Variants in JADE3 observed in about 807,000 individuals in gnomAD.
The protein encoded by JADE3 is jade family PHD finger 3, also known as protein Jade-3.
In JADE3, 2 loss-of-function variants were observed where a neutral mutation model predicts 50.1. The observed-to-expected ratio is 0.04, with a 90% CI of 0.02 to 0.13. The LOEUF (loss-of-function observed/expected upper bound fraction) is 0.13. Among genes scored for constraint, JADE3 ranks in the 10% least tolerant of loss-of-function variants. The probability of loss-of-function intolerance (pLI) is 1.00; values close to 1 mark genes in which losing one functional copy is unlikely to be tolerated. For synonymous variants in JADE3, 218 were observed against 232.9 expected, an observed-to-expected ratio of 0.94 and a Z score of 0.58; for missense variants, 475 against 634.4, an observed-to-expected ratio of 0.75 and a Z score of 2.70.
At chrX:46,993,491 A>C (rs1928060111) in intron 3 of JADE3, among the ~76,000 whole-genome samples, 2 of 111,749 alleles carry the variant, frequency 1.8e-5, no homozygotes, top group South Asian at 3.7e-4. Context: ...AATTGCTCAG[A>C]TCTCTAAATC....
intron 1 of JADE3, among the ~76,000 whole-genome samples, chrX:46,938,764 A>C (rs1407447052): frequency 1.8e-5 from 2 of 111,998 alleles, no homozygotes; most frequent in African/African-American, 3.2e-5. Flanking sequence ...CTGAGTATAG[A>C]ATTCTGTGTT....
intron 1 of JADE3, among the ~76,000 whole-genome samples, chrX:46,950,661 A>C (rs1556344722): frequency 8.9e-6 from 1 of 111,944 alleles, no homozygotes; most frequent in Admixed American, 9.5e-5. Context: ...TTTTAGGAGT[A>C]GAATTGCTGG....
chrX:47,049,755 C>CTTT (rs536912145), intron 8 of JADE3, among the ~76,000 whole-genome samples: 352 of 55,725 alleles, frequency 6.3e-3, no homozygotes, highest in African/African-American at 7.0e-3. Context: ...TCTTCTTCTT[C>CTTT]TTTTTTTTTT....
intron 8 of JADE3, 111 bp downstream of exon 8, chrX:47,039,176 A>G (rs782007722): frequency 2.3e-6 from 1 of 442,097 alleles, no homozygotes; most frequent in African/African-American, 2.5e-5. Context: ...TCGCCCACCC[A>G]CTCTTAGGGC....
intron 1 of JADE3, among the ~76,000 whole-genome samples, chrX:46,920,316 CAT>C (rs1159139991): frequency 8.9e-6 from 1 of 112,532 alleles, no homozygotes; most frequent in Non-Finnish European, 1.9e-5. Flanking sequence ...CAGAATATCA[CAT>C]GAGTGGAATC....
chrX:46,926,655 C>T (rs1295415720), intron 1 of JADE3, among the ~76,000 whole-genome samples: 1 of 112,524 alleles, frequency 8.9e-6, no homozygotes, highest in Non-Finnish European at 1.9e-5. Context: ...TTTGTGCTGA[C>T]TCTTTAGTCA....
intron 8 of JADE3, among the ~76,000 whole-genome samples, chrX:47,045,750 C>G (rs1461247989): frequency 1.8e-5 from 2 of 110,633 alleles, no homozygotes; most frequent in African/African-American, 6.6e-5. Flanking sequence ...ATTTTGGAAA[C>G]TATACAAACA....
At chrX:46,988,278 C>T (rs1418294706) in intron 3 of JADE3, among the ~76,000 whole-genome samples, 5 of 110,839 alleles carry the variant, frequency 4.5e-5, no homozygotes, top group Admixed American at 9.7e-5. Flanking sequence ...AAGTAATATA[C>T]TCTTGTTCTA....
chrX:47,039,344 C>A (rs781841086), intron 8 of JADE3, among the ~76,000 whole-genome samples: 2 of 110,137 alleles, frequency 1.8e-5, no homozygotes, highest in Non-Finnish European at 3.8e-5. Context: ...TTGATACCAT[C>A]CTGGGTGGAA....
At chrX:47,046,136 CACTG>C (rs1556370616) in intron 8 of JADE3, among the ~76,000 whole-genome samples, 1 of 110,135 alleles carries the variant, frequency 9.1e-6, no homozygotes, top group Non-Finnish European at 1.9e-5. Context: ...TAGCCCAACT[CACTG>C]AGAAAAAAAA....
intron 8 of JADE3, among the ~76,000 whole-genome samples, chrX:47,043,105 G>A (rs900458080): frequency 8.0e-5 from 9 of 111,986 alleles, no homozygotes; most frequent in Admixed American, 9.5e-5. Context: ...TAACACCAAC[G>A]TAGTATATCT....
intron 1 of JADE3, among the ~76,000 whole-genome samples, chrX:46,947,768 G>A (rs1926915861): frequency 9.0e-6 from 1 of 111,425 alleles, no homozygotes; most frequent in Admixed American, 9.6e-5. Flanking sequence ...AGCATGAGAG[G>A]TACCGTGCCG....
intron 1 of JADE3, among the ~76,000 whole-genome samples, chrX:46,984,161 T>G (rs782049734): frequency 5.4e-4 from 61 of 112,357 alleles, no homozygotes; most frequent in Non-Finnish European, 1.0e-3. Context: ...TCCTTTTTTC[T>G]TACACTCCAG....
chrX:46,967,767 A>G (rs1402380212), intron 1 of JADE3, among the ~76,000 whole-genome samples: 1 of 112,057 alleles, frequency 8.9e-6, no homozygotes, highest in Non-Finnish European at 1.9e-5. Flanking sequence ...CTTTTACAGA[A>G]CTAACAAGTG....
intron 8 of JADE3, among the ~76,000 whole-genome samples, chrX:47,043,679 TGTG>T (rs1314544674): frequency 9.2e-6 from 1 of 108,672 alleles, no homozygotes; most frequent in African/African-American, 3.4e-5. Flanking sequence ...ATTAGCCAGG[TGTG>T]GTGGTGGGCG....
chrX:46,970,777 G>A (rs782584809), intron 1 of JADE3, among the ~76,000 whole-genome samples: 8 of 111,575 alleles, frequency 7.2e-5, no homozygotes, highest in Non-Finnish European at 1.5e-4. Context: ...CTGGGATAAA[G>A]GTTGTTTTTC....
chrX:46,934,732 G>T (rs1263599465), intron 1 of JADE3, among the ~76,000 whole-genome samples: 3 of 111,075 alleles, frequency 2.7e-5, no homozygotes, highest in Non-Finnish European at 5.7e-5. Context: ...ACCGTGCCCG[G>T]CCTTCTTCTA....
chrX:47,050,881 A>C (rs1026943011), intron 8 of JADE3, among the ~76,000 whole-genome samples: 28 of 112,444 alleles, frequency 2.5e-4, no homozygotes, highest in Non-Finnish European at 4.7e-4. Flanking sequence ...TTTACTAAAG[A>C]ATACCTTTTA....
intron 1 of JADE3, among the ~76,000 whole-genome samples, chrX:46,920,059 CTT>C (rs1432327238): frequency 9.0e-6 from 1 of 111,116 alleles, no homozygotes; most frequent in African/African-American, 3.3e-5. Flanking sequence ...GAGAGGGAGA[CTT>C]TTCACTACAT....
Sources: gnomAD v4.1 joint callset for allele counts (sites outside exome capture counted in the v4.1 genomes callset) on GRCh38, gnomAD v4.1.1 for gene constraint, MANE v1.5 for transcripts, NCBI Gene and HGNC (gene_info 2026-07-23, HGNC 2026-07-21) for gene names.